Variants in E2F6 observed in about 807,000 individuals in gnomAD.
The protein encoded by E2F6 is E2F transcription factor 6.
E2F6 carries 19 observed loss-of-function variants against 31.5 expected under a neutral mutation model. That is an observed-to-expected ratio of 0.60 (90% CI 0.42 to 0.89). The LOEUF is 0.89. Among genes scored for constraint, E2F6 ranks in the 40% least tolerant of loss-of-function variants. The pLI, the probability that E2F6 is intolerant of heterozygous loss-of-function variation, is 0.00. For synonymous variants in E2F6, 121 were observed against 127.7 expected (o/e 0.95, Z 0.36); for missense variants, 269 against 341.6 (o/e 0.79, Z 1.67).
At chr2:11,455,668 T>C (rs1052713705) in intron 2 of E2F6, among the ~76,000 whole-genome samples, 1 of 152,212 alleles carries the variant, frequency 6.6e-6, no homozygotes, top group East Asian at 1.9e-4. Flanking sequence ...TATGTTATTT[T>C]ATAAAGAACA....
At chr2:11,455,557 G>T in intron 2 of E2F6, 1 of 855,898 alleles carries the variant, frequency 1.2e-6, no homozygotes, top group Non-Finnish European at 1.7e-6. Flanking sequence ...AACAAACTCA[G>T]GAAGATTACA....
chr2:11,453,774 C>T lies in E2F6; in HGVS notation c.188G>A (p.Arg63His). The change falls in exon 3 of 7, where the codon CGT (arginine) becomes CAT (histidine). Residue 63 changes from arginine to histidine, a missense_variant. By Grantham distance (29) the Arg-to-His change is conservative. Coordinates refer to ENST00000381525, the MANE Select transcript of E2F6 (RefSeq NM_198256.4). ...TAAATAAACCAGCGATACATCAAAA[C>T]GAGGTCTCTTCACTTTTAGAGCTTC... ...MRKALKVKRP[R>H]FDVSLVYLTR... 2.5e-6 allele frequency: 4 copies of T among 1,614,096 alleles called. No homozygotes were observed. The highest frequency in any genetic ancestry group is 3.4e-6 in the Non-Finnish European group (4 of 1,179,970).
intron 1 of E2F6, among the ~76,000 whole-genome samples, chr2:11,459,171 A>T (rs568619942): frequency 6.2e-4 from 94 of 152,272 alleles, no homozygotes; most frequent in African/African-American, 2.2e-3. Flanking sequence ...CTTATATATA[A>T]GCTCAGAGGG....
At chr2:11,463,958 G>GGGGGGGAA (rs56958029) in intron 1 of E2F6, among the ~76,000 whole-genome samples, 1 of 106,358 alleles carries the variant, frequency 9.4e-6, no homozygotes, top group African/African-American at 3.3e-5. Flanking sequence ...CGGGGGGGGG[G>GGGGGGGAA]ACAAAAACAA....
intron 1 of E2F6, among the ~76,000 whole-genome samples, chr2:11,459,636 T>C (rs1280094282): frequency 6.6e-6 from 1 of 151,980 alleles, no homozygotes. Flanking sequence ...TCCCAGGACT[T>C]TGGGAGGCGG....
chr2:11,457,359 C>G, intron 1 of E2F6, 126 bp from the exon 2 acceptor site: 3 of 646,342 alleles, frequency 4.6e-6, no homozygotes, highest in South Asian at 1.9e-5. Context: ...GGCAGAGGCT[C>G]ACGCCTGTAA....
chr2:11,452,152 C>G (rs144343435), intron 3 of E2F6, among the ~76,000 whole-genome samples: 218 of 152,318 alleles, frequency 1.4e-3, no homozygotes, highest in Non-Finnish European at 2.2e-3. Context: ...AACGCAGCTT[C>G]TGATAAGTTA....
chr2:11,458,877 G>A (rs1427956770), intron 1 of E2F6, among the ~76,000 whole-genome samples: 1 of 152,162 alleles, frequency 6.6e-6, no homozygotes, highest in African/African-American at 2.4e-5. Context: ...CTGGAGCTGG[G>A]AATGCTGGCC....
At chr2:11,456,850 G>A (rs920030951) in intron 2 of E2F6, among the ~76,000 whole-genome samples, 13 of 152,186 alleles carry the variant, frequency 8.5e-5, no homozygotes, top group African/African-American at 3.1e-4. Context: ...GGGAACTAGA[G>A]CCATTTACAT....
At position 11,465,790 on chromosome 2, in the gene E2F6, G is replaced by A; in HGVS notation, c.90C>T (p.Ile30=). ...AGCTTACCAGCAGGCCCTCCACGTT[G>A]ATGGGGTCTCGGCACCGACGGCGAA... ...ETVRRRCRDP[I]NVEGLLPSKI... The change falls in exon 1 of 7, where the codon ATC becomes ATT. Residue 30 remains isoleucine (I), a synonymous_variant. Transcript: ENST00000381525. 6.2e-7 allele frequency: 1 copy of A among 1,600,248 alleles called. No individual in the cohort carries two copies. The highest frequency in any genetic ancestry group is 8.5e-7 in the Non-Finnish European group (1 of 1,174,318).
intron 1 of E2F6, among the ~76,000 whole-genome samples, chr2:11,465,187 A>AAAG (rs1558466364): frequency 1.3e-5 from 2 of 148,356 alleles, no homozygotes; most frequent in African/African-American, 4.9e-5. Context: ...TCAAAAAAAA[A>AAAG]AAAAAAAAAG....
intron 1 of E2F6, among the ~76,000 whole-genome samples, chr2:11,460,568 C>A (rs951895183): frequency 6.6e-6 from 1 of 152,166 alleles, no homozygotes; most frequent in African/African-American, 2.4e-5. Flanking sequence ...TTCTCAGCCT[C>A]CAAAATCATG....
Position 11,447,714 on chromosome 2 carries a change from C to T in E2F6, c.712G>A (p.Val238Met). 6.2e-7 allele frequency: 1 copy of T among 1,612,230 alleles called. No homozygotes were observed. The highest frequency in any genetic ancestry group is 1.7e-5 in the Admixed American group (1 of 60,022). The change falls in exon 6 of 7, where the codon GTG (valine) becomes ATG (methionine). Residue 238 changes from valine (V) to methionine (M), a missense_variant. Transcript: ENST00000381525. ...TTGTTACTGGTCTGACCCTGCTCCA[C>T]TTCACACAAATAGACATCGATAGGT... ...NGPIDVYLCE[V>M]EQGQTSNKRS...
In E2F6 at chr2:11,450,126, T is replaced by G. The variant is rs758327916; in HGVS notation, c.537A>C (p.Arg179Ser). The change falls in exon 5 of 7, where the codon AGA becomes AGC. Residue 179 changes from arginine to serine, a missense_variant and splice_region_variant. Transcript: ENST00000381525. ...TGTCTTGATAGGTCACATATGCTAG[T>G]GTAAAACTCAGTCAAGGATCTCTAC... ...FELTDDKENE[R>S]LAYVTYQDIH... 7 of 1,603,228 alleles carry G rather than the reference T, an allele frequency of 4.4e-6. 1 individual carries two copies. The East Asian group carries it at 1.6e-4, about 36-fold the overall frequency.
chr2:11,447,639 C>G lies in E2F6; in HGVS notation c.787G>C (p.Gly263Arg), dbSNP rs556079148. ...TSSSESTHPE[G>R]PEEEENPQQS... Reference sequence around the variant, plus strand: ...CTGGTATATTTACCTTCCTCAGGGCCTTCTGGATGAGTGCTCTCAGATGAA... The same window carrying G: ...CTGGTATATTTACCTTCCTCAGGGCGTTCTGGATGAGTGCTCTCAGATGAA... The change falls in exon 6 of 7, where the codon GGC becomes CGC. Residue 263 changes from glycine to arginine, a missense_variant. Gly to Arg is a moderately radical substitution (Grantham distance 125). Coordinates refer to ENST00000381525, the MANE Select transcript of E2F6 (RefSeq NM_198256.4). The G allele has an allele frequency of 8.3e-5, 134 of 1,611,856 alleles. 1 individual carries two copies. In the South Asian group the frequency reaches 1.4e-3, roughly 17 times the overall value.
intron 6 of E2F6, among the ~76,000 whole-genome samples, chr2:11,447,236 G>A (rs1280896636): frequency 1.3e-5 from 2 of 152,160 alleles, no homozygotes; most frequent in Non-Finnish European, 2.9e-5. Flanking sequence ...TGGCTGAGTT[G>A]AGTGGGTATT....
chr2:11,455,569 A>C, intron 2 of E2F6: 1 of 768,400 alleles, frequency 1.3e-6, no homozygotes, highest in Non-Finnish European at 1.9e-6. Context: ...AAGATTACAA[A>C]TGAGAAATTC....
Position 11,457,745 on chromosome 2 carries a change from C to G in E2F6, c.109-512G>C, listed in dbSNP as rs188409679. Among the ~76,000 whole-genome samples, 111 of 152,352 alleles carry G rather than the reference C, an allele frequency of 7.3e-4. 1 individual carries two copies. The highest frequency in any genetic ancestry group is 2.6e-3 in the African/African-American group (110 of 41,576). The stretch of plus-strand genomic sequence containing the variant: ...CTTAGTAGAGATAGAAGATCTATCT[C>G]AACCAACACATGCTCACTCCTTGCT... On this transcript the variant is annotated intron_variant, in intron 1 of 6. Transcript: ENST00000381525.
chr2:11,451,299 C>A, intron 4 of E2F6: 1 of 163,690 alleles, frequency 6.1e-6, no homozygotes, highest in Non-Finnish European at 1.3e-5. Context: ...GTTAAAAAAC[C>A]TACTGTTTGT....
Sources: gnomAD v4.1 joint callset for allele counts (sites outside exome capture counted in the v4.1 genomes callset) on GRCh38, gnomAD v4.1.1 for gene constraint, MANE v1.5 for transcripts, NCBI Gene and HGNC (gene_info 2026-07-23, HGNC 2026-07-21) for gene names.